The following ARHGAP6 variants were observed in gnomAD, a reference collection of about 807,000 sequenced individuals.
ARHGAP6 encodes Rho GTPase activating protein 6.
ARHGAP6 carries 16 observed loss-of-function variants against 55.7 expected under a neutral mutation model. That is an observed-to-expected ratio of 0.29 (90% CI 0.19 to 0.44). The LOEUF (loss-of-function observed/expected upper bound fraction) is 0.44. ARHGAP6 is among the 20% of genes least tolerant of loss of function. The probability of loss-of-function intolerance (pLI) is 1.00; values close to 1 mark genes in which losing one functional copy is unlikely to be tolerated. For missense variants in ARHGAP6, 698 were observed against 808.9 expected (o/e 0.86, Z 1.66); for synonymous variants, 382 against 360.9 (o/e 1.06, Z -0.66).
chrX:11,183,666 A>G (rs2046349342), intron 5 of ARHGAP6, among the ~76,000 whole-genome samples: 1 of 111,567 alleles, frequency 9.0e-6, no homozygotes, highest in Non-Finnish European at 1.9e-5. Context: ...TTGGTGAAGA[A>G]ATCTCAGTGA....
intron 1 of ARHGAP6, among the ~76,000 whole-genome samples, chrX:11,485,925 C>T (rs377029644): frequency 6.3e-5 from 7 of 111,865 alleles, no homozygotes; most frequent in African/African-American, 2.0e-4. Flanking sequence ...AGCTGGTCCC[C>T]GATTCTTTCT....
chrX:11,530,218 T>A (rs2051033370), intron 1 of ARHGAP6, among the ~76,000 whole-genome samples: 1 of 112,022 alleles, frequency 8.9e-6, no homozygotes, highest in African/African-American at 3.2e-5. Flanking sequence ...GTGTATTGCC[T>A]ACCCTACAAT....
intron 1 of ARHGAP6, among the ~76,000 whole-genome samples, chrX:11,477,984 T>C (rs772399211): frequency 8.9e-6 from 1 of 112,097 alleles, no homozygotes; most frequent in South Asian, 3.7e-4. Context: ...TTTTATTGTA[T>C]GCTAATCATA....
chrX:11,272,694 C>T (rs1254074879), intron 1 of ARHGAP6, among the ~76,000 whole-genome samples: 1 of 111,348 alleles, frequency 9.0e-6, no homozygotes, highest in Non-Finnish European at 1.9e-5. Flanking sequence ...GATTAAGTCT[C>T]CAAGCACATA....
At chrX:11,295,748 G>A (rs2048074515) in intron 1 of ARHGAP6, among the ~76,000 whole-genome samples, 1 of 111,999 alleles carries the variant, frequency 8.9e-6, no homozygotes, top group Non-Finnish European at 1.9e-5. Context: ...CACTCTCTAA[G>A]ATGGTATTGT....
At chrX:11,211,668 C>T (rs768506892) in intron 2 of ARHGAP6, among the ~76,000 whole-genome samples, 91 of 110,730 alleles carry the variant, frequency 8.2e-4, no homozygotes, top group Non-Finnish European at 1.4e-3. Context: ...CTCAGCCTCA[C>T]GAGTAGCTGG....
chrX:11,463,855 T>C (rs145590925), intron 1 of ARHGAP6, among the ~76,000 whole-genome samples: 3,373 of 112,021 alleles, frequency 0.03, 66 homozygotes, highest in Non-Finnish European at 0.048. Flanking sequence ...AAATACAACA[T>C]GGCCTTCAAT....
chrX:11,659,995 G>C (rs1318644261), intron 1 of ARHGAP6, among the ~76,000 whole-genome samples: 3 of 111,844 alleles, frequency 2.7e-5, no homozygotes, highest in Non-Finnish European at 5.6e-5. Flanking sequence ...GTCCCCTGGG[G>C]ACAAAGTCAC....
At position 11,603,126 on chromosome X, in the gene ARHGAP6, C is replaced by A. The variant is rs975690684; in HGVS notation, c.588+61115G>T. 3.6e-5 allele frequency among the ~76,000 whole-genome samples: 4 copies of A among 111,831 alleles called. No individual in the cohort carries two copies. The Admixed American group carries it at 3.8e-4, about 11-fold the overall frequency. ...CGCTCTGAAAAGCAGAGTGGAATTT[C>A]TGCCCTGGAAAGTAGCACTAAGGTT... On this transcript the variant is annotated intron_variant, in intron 1 of 12. Coordinates refer to ENST00000337414, the MANE Select transcript of ARHGAP6 (RefSeq NM_013427.3).
Position 11,271,235 on chromosome X carries a change from T to C in ARHGAP6, c.589-16528A>G, listed in dbSNP as rs762911939. Among the ~76,000 whole-genome samples, 192 of 111,978 alleles carry C rather than the reference T, an allele frequency of 1.7e-3. 1 individual carries two copies. Among genetic ancestry groups the C allele is most frequent in the African/African-American group, 6.0e-3 (186 of 30,842 alleles). Reference sequence around the variant, plus strand: ...GATTACCTAAAAGATACAGGGATGCTGAAGTACTGTCACCTCAAACTGAAG... The same window carrying C: ...GATTACCTAAAAGATACAGGGATGCCGAAGTACTGTCACCTCAAACTGAAG... On this transcript the variant is annotated intron_variant, in intron 1 of 12. Transcript: ENST00000337414.
At chrX:11,339,268 T>C (rs929800843) in intron 1 of ARHGAP6, among the ~76,000 whole-genome samples, 1 of 111,985 alleles carries the variant, frequency 8.9e-6, no homozygotes, top group African/African-American at 3.2e-5. Flanking sequence ...CCAAAATCTC[T>C]GGTCTTCTAC....
At chrX:11,176,300 CATATATATATATATATATAT>C (rs59647126) in intron 8 of ARHGAP6, among the ~76,000 whole-genome samples, 392 of 15,626 alleles carry the variant, frequency 0.025, 11 homozygotes, top group Admixed American at 0.032. Flanking sequence ...TATTTGCATG[CATATATATATATATATATAT>C]ATATATATAT....
At chrX:11,320,406 G>A (rs141203413) in intron 1 of ARHGAP6, among the ~76,000 whole-genome samples, 3 of 111,823 alleles carry the variant, frequency 2.7e-5, no homozygotes, top group African/African-American at 9.8e-5. Context: ...AGAGAAAGAG[G>A]TCACTTGTGC....
intron 1 of ARHGAP6, among the ~76,000 whole-genome samples, chrX:11,399,260 A>G (rs2049517003): frequency 9.2e-6 from 1 of 108,243 alleles, no homozygotes; most frequent in African/African-American, 3.4e-5. Flanking sequence ...TCACCCCAAA[A>G]CAGGCCAGTG....
At chrX:11,656,427 TTC>T (rs1245521919) in intron 1 of ARHGAP6, among the ~76,000 whole-genome samples, 1 of 112,217 alleles carries the variant, frequency 8.9e-6, no homozygotes, top group Non-Finnish European at 1.9e-5. Flanking sequence ...AACTGACATA[TTC>T]TCTTACAGTC....
At chrX:11,281,849 A>G (rs765929769) in intron 1 of ARHGAP6, among the ~76,000 whole-genome samples, 27 of 111,931 alleles carry the variant, frequency 2.4e-4, no homozygotes, top group Non-Finnish European at 3.8e-4. Context: ...GAAAATTAAG[A>G]TGAACAAAAT....
intron 1 of ARHGAP6, among the ~76,000 whole-genome samples, chrX:11,287,993 T>C (rs5934994): frequency 0.07 from 7,876 of 112,200 alleles, 390 homozygotes; most frequent in African/African-American, 0.17. Flanking sequence ...GCCTTTGTGC[T>C]GATCCCAGAG....
chrX:11,212,082 ATG>A (rs1465528275), intron 2 of ARHGAP6, among the ~76,000 whole-genome samples: 1 of 111,328 alleles, frequency 9.0e-6, no homozygotes, highest in African/African-American at 3.3e-5. Flanking sequence ...CTGACACAGA[ATG>A]TGTCTCCTAA....
At chrX:11,297,367 G>C (rs938032116) in intron 1 of ARHGAP6, among the ~76,000 whole-genome samples, 3 of 111,559 alleles carry the variant, frequency 2.7e-5, no homozygotes, top group Non-Finnish European at 5.6e-5. Flanking sequence ...TTGTGATTTT[G>C]GGCAAATCAT....
Sources: gnomAD v4.1 joint callset for allele counts (sites outside exome capture counted in the v4.1 genomes callset) on GRCh38, gnomAD v4.1.1 for gene constraint, MANE v1.5 for transcripts, NCBI Gene and HGNC (gene_info 2026-07-23, HGNC 2026-07-21) for gene names.